Variants in LINGO2 observed in about 807,000 individuals in gnomAD.
LINGO2 encodes the protein leucine rich repeat and Ig domain containing 2, also known as leucine-rich repeat and immunoglobulin-like domain-containing nogo receptor-interacting protein 2.
Under a neutral mutation model 30.6 loss-of-function variants are expected in LINGO2, and 14 were observed. That is an observed-to-expected ratio of 0.46 (90% confidence interval 0.30 to 0.72). LINGO2 has a LOEUF of 0.72. LINGO2 is among the 30% of genes least tolerant of loss of function. The pLI is 0.07. For synonymous variants in LINGO2, 317 were observed against 288.5 expected (o/e 1.10, Z -1.00); for missense variants, 729 against 751.7 (o/e 0.97, Z 0.35).
chr9:28,851,190 T>C, the LINGO2 span, among the ~76,000 whole-genome samples: 1 of 152,058 alleles, frequency 6.6e-6, no homozygotes, highest in African/African-American at 2.4e-5. Flanking sequence ...TAACACAGAT[T>C]TATTATCATT....
chr9:28,004,947 A>G (rs978141603), intron 5 of LINGO2, among the ~76,000 whole-genome samples: 1 of 152,194 alleles, frequency 6.6e-6, no homozygotes, highest in Non-Finnish European at 1.5e-5. Flanking sequence ...CAACCAGCCC[A>G]GTAATAATGA....
At chr9:28,771,567 C>T in the LINGO2 span, among the ~76,000 whole-genome samples, 130,441 of 150,266 alleles carry the variant, frequency 0.87, 56,840 homozygotes, top group East Asian at 0.95. Flanking sequence ...GGACATTAGT[C>T]AGAGTCCCAG....
At chr9:27,996,027 TG>T (rs1288721374) in intron 5 of LINGO2, among the ~76,000 whole-genome samples, 7 of 151,882 alleles carry the variant, frequency 4.6e-5, no homozygotes, top group Non-Finnish European at 2.9e-5. Flanking sequence ...TTGCAGTAAA[TG>T]AAAAAAAATG....
the LINGO2 span, among the ~76,000 whole-genome samples, chr9:28,990,580 T>C: frequency 0.92 from 140,374 of 152,248 alleles, 64,803 homozygotes; most frequent in Non-Finnish European, 0.93. Flanking sequence ...CCCTGACCCC[T>C]GAGCAGCCTA....
At chr9:28,727,864 G>C in the LINGO2 span, among the ~76,000 whole-genome samples, 1 of 152,254 alleles carries the variant, frequency 6.6e-6, no homozygotes, top group African/African-American at 2.4e-5. Flanking sequence ...GGCAGGGTGA[G>C]GTGGTAGGTG....
At chr9:28,652,847 T>C (rs1178378589) in intron 1 of LINGO2, among the ~76,000 whole-genome samples, 2 of 152,026 alleles carry the variant, frequency 1.3e-5, no homozygotes, top group African/African-American at 2.4e-5. Context: ...TAAACAACCA[T>C]AGTATATTAG....
chr9:28,001,301 C>G (rs185122339), intron 5 of LINGO2, among the ~76,000 whole-genome samples: 1 of 152,296 alleles, frequency 6.6e-6, no homozygotes, highest in East Asian at 1.9e-4. Context: ...TTTCACACAA[C>G]CTCCAGGGAT....
chr9:29,198,682 G>T, the LINGO2 span, among the ~76,000 whole-genome samples: 1 of 152,082 alleles, frequency 6.6e-6, no homozygotes, highest in Non-Finnish European at 1.5e-5. Context: ...AGAGTGAATT[G>T]TTAGCTACAG....
chr9:28,660,955 G>T (rs1828560019), intron 1 of LINGO2, among the ~76,000 whole-genome samples: 1 of 151,982 alleles, frequency 6.6e-6, no homozygotes, highest in Admixed American at 6.6e-5. Context: ...CTAAACCTGG[G>T]GCAAATCTAG....
At chr9:28,941,587 C>A in the LINGO2 span, among the ~76,000 whole-genome samples, 2 of 152,202 alleles carry the variant, frequency 1.3e-5, no homozygotes, top group African/African-American at 4.8e-5. Context: ...TTGCCTTTTA[C>A]ATTAGAATAA....
the LINGO2 span, among the ~76,000 whole-genome samples, chr9:28,977,840 T>C: frequency 6.6e-6 from 1 of 152,090 alleles, no homozygotes; most frequent in East Asian, 1.9e-4. Flanking sequence ...TCATGCTAGG[T>C]TCACTGCGAG....
At chr9:28,108,669 C>T (rs1391898662) in intron 4 of LINGO2, among the ~76,000 whole-genome samples, 1 of 152,104 alleles carries the variant, frequency 6.6e-6, no homozygotes, top group East Asian at 1.9e-4. Flanking sequence ...AGAATGCAAC[C>T]TGGAACTATT....
the LINGO2 span, among the ~76,000 whole-genome samples, chr9:28,678,732 A>T: frequency 6.6e-6 from 1 of 152,100 alleles, no homozygotes; most frequent in Admixed American, 6.6e-5. Context: ...ACTAAGTGAA[A>T]TTATATTTAT....
At chr9:28,040,610 C>T (rs1043963867) in intron 4 of LINGO2, among the ~76,000 whole-genome samples, 1 of 152,034 alleles carries the variant, frequency 6.6e-6, no homozygotes, top group Non-Finnish European at 1.5e-5. Flanking sequence ...GCGCTATCAA[C>T]TTCAAATACT....
At chr9:28,323,251 T>C (rs185525255) in intron 3 of LINGO2, among the ~76,000 whole-genome samples, 34 of 152,320 alleles carry the variant, frequency 2.2e-4, no homozygotes, top group Non-Finnish European at 4.4e-5. Context: ...AGCTCTCACA[T>C]TCTGTAGGCA....
chr9:28,573,916 A>C (rs1454960866), intron 1 of LINGO2, among the ~76,000 whole-genome samples: 2 of 152,182 alleles, frequency 1.3e-5, no homozygotes, highest in Non-Finnish European at 2.9e-5. Flanking sequence ...GTATAGAAGA[A>C]AAACTAAGAA....
chr9:28,939,180 A>AGGCTAATTAAG, the LINGO2 span, among the ~76,000 whole-genome samples: 1 of 151,148 alleles, frequency 6.6e-6, no homozygotes, highest in African/African-American at 2.4e-5. Context: ...AGGCTACTTA[A>AGGCTAATTAAG]GCTACTTAAG....
chr9:28,703,705 T>C, the LINGO2 span, among the ~76,000 whole-genome samples: 1 of 152,024 alleles, frequency 6.6e-6, no homozygotes, highest in Admixed American at 6.6e-5. Flanking sequence ...GAACATTTTA[T>C]ATGATGCCAT....
chr9:28,105,271 T>C (rs1826552856), intron 4 of LINGO2, among the ~76,000 whole-genome samples: 1 of 152,172 alleles, frequency 6.6e-6, no homozygotes, highest in Non-Finnish European at 1.5e-5. Flanking sequence ...GAAAATGTGC[T>C]CTCCAGTGAA....
Sources: allele counts gnomAD v4.1 joint callset (sites outside exome capture counted in the v4.1 genomes callset), GRCh38; gene constraint gnomAD v4.1.1; transcripts MANE v1.5; gene names NCBI Gene and HGNC (gene_info 2026-07-23, HGNC 2026-07-21).